MARCHF1: variants seen among roughly 807,000 people sequenced by gnomAD.
MARCHF1 encodes membrane associated ring-CH-type finger 1.
Under a neutral mutation model 54.2 loss-of-function variants are expected in MARCHF1, and 40 were observed. That is an observed-to-expected ratio of 0.74 (90% CI 0.57 to 0.96). The LOEUF is 0.96. Among genes scored for constraint, MARCHF1 ranks in the 40% least tolerant of loss-of-function variants. The pLI is 0.00. For missense variants in MARCHF1, 586 were observed against 656.5 expected (o/e 0.89, Z 1.17); for synonymous variants, 236 against 236.3 (o/e 1.00, Z 0.01).
At chr4:163,912,165 G>A (rs1467006013) in intron 3 of MARCHF1, among the ~76,000 whole-genome samples, 1 of 151,720 alleles carries the variant, frequency 6.6e-6, no homozygotes. Context: ...CTCTTTTTGT[G>A]TGACCATTTC....
intron 4 of MARCHF1, among the ~76,000 whole-genome samples, chr4:163,813,954 G>T (rs1748463675): frequency 6.6e-6 from 1 of 152,112 alleles, no homozygotes. Context: ...CAAAATCTAA[G>T]CCCAGGGCAT....
At chr4:163,927,395 C>T (rs11929916) in intron 3 of MARCHF1, among the ~76,000 whole-genome samples, 16,291 of 151,536 alleles carry the variant, frequency 0.11, 917 homozygotes, top group Non-Finnish European at 0.13. Context: ...TAAAATTTAA[C>T]GTGGGAATTT....
intron 4 of MARCHF1, among the ~76,000 whole-genome samples, chr4:163,755,084 G>A (rs1481202628): frequency 6.6e-6 from 1 of 152,128 alleles, no homozygotes; most frequent in African/African-American, 2.4e-5. Context: ...TGTGGTGGTG[G>A]TGCCACCTAG....
intron 1 of MARCHF1, among the ~76,000 whole-genome samples, chr4:164,176,976 C>CTATATATATATA (rs1279533259): frequency 6.1e-5 from 2 of 32,870 alleles, no homozygotes; most frequent in African/African-American, 2.5e-4. Context: ...CTCTCTCTCT[C>CTATATATATATA]TCTCTATATA....
intron 1 of MARCHF1, among the ~76,000 whole-genome samples, chr4:164,112,393 G>A (rs1339809196): frequency 6.6e-6 from 1 of 151,842 alleles, no homozygotes; most frequent in African/African-American, 2.4e-5. Flanking sequence ...TAATGAGCTG[G>A]CATCCATATC....
At chr4:163,651,230 T>C (rs1560998710) in intron 5 of MARCHF1, among the ~76,000 whole-genome samples, 2 of 151,936 alleles carry the variant, frequency 1.3e-5, no homozygotes, top group South Asian at 2.1e-4. Flanking sequence ...TGGATTGTTG[T>C]TTGCTAGTCT....
At chr4:164,127,015 T>C (rs962418854) in intron 1 of MARCHF1, among the ~76,000 whole-genome samples, 2 of 149,498 alleles carry the variant, frequency 1.3e-5, no homozygotes, top group Admixed American at 6.7e-5. Context: ...GATTGTGCCA[T>C]TGCACTCTAC....
At chr4:163,981,127 T>C (rs1045551350) in intron 3 of MARCHF1, among the ~76,000 whole-genome samples, 2 of 152,088 alleles carry the variant, frequency 1.3e-5, no homozygotes, top group Admixed American at 1.3e-4. Context: ...GTGCATCCAG[T>C]GGTTTCCAGG....
At chr4:163,929,956 T>G (rs866330035) in intron 3 of MARCHF1, among the ~76,000 whole-genome samples, 3 of 70,662 alleles carry the variant, frequency 4.2e-5, no homozygotes, top group African/African-American at 1.9e-4. Context: ...TTATATATAT[T>G]ATATATAATA....
At chr4:164,129,019 A>G (rs1400952145) in intron 1 of MARCHF1, among the ~76,000 whole-genome samples, 2 of 152,212 alleles carry the variant, frequency 1.3e-5, no homozygotes, top group Admixed American at 1.3e-4. Context: ...TACCTGGTTC[A>G]TCCCACCTAA....
At chr4:163,593,731 C>T (rs1272995848) in intron 7 of MARCHF1, among the ~76,000 whole-genome samples, 1 of 152,142 alleles carries the variant, frequency 6.6e-6, no homozygotes, top group Admixed American at 6.5e-5. Context: ...ACTTTATTTA[C>T]AGATAACCAA....
chr4:164,027,645 TC>T (rs1753799735), intron 2 of MARCHF1, among the ~76,000 whole-genome samples: 1 of 151,992 alleles, frequency 6.6e-6, no homozygotes, highest in South Asian at 2.1e-4. Flanking sequence ...ATTATAAAAA[TC>T]CTAGAAGAAA....
chr4:163,535,753 C>T (rs200787590), intron 9 of MARCHF1, among the ~76,000 whole-genome samples: 2 of 144,192 alleles, frequency 1.4e-5, no homozygotes, highest in South Asian at 2.2e-4. Flanking sequence ...TATAGAAGGG[C>T]TTTTTTTTTT....
chr4:164,327,478 G>T (rs894783153), intron 1 of MARCHF1, among the ~76,000 whole-genome samples: 1 of 152,168 alleles, frequency 6.6e-6, no homozygotes, highest in Admixed American at 6.5e-5. Context: ...GTGGTGAGGT[G>T]GTTGTTGTCA....
chr4:163,635,595 A>G (rs1180482097), intron 5 of MARCHF1, among the ~76,000 whole-genome samples: 1 of 149,276 alleles, frequency 6.7e-6, no homozygotes, highest in South Asian at 2.2e-4. Flanking sequence ...AATTGTGGCA[A>G]TAATCAATAG....
intron 5 of MARCHF1, among the ~76,000 whole-genome samples, chr4:163,658,475 T>C (rs115921844): frequency 0.014 from 2,091 of 152,120 alleles, 41 homozygotes; most frequent in African/African-American, 0.048. Flanking sequence ...GTTCAGCCAG[T>C]GTAGAAGACA....
intron 3 of MARCHF1, among the ~76,000 whole-genome samples, chr4:163,903,236 TTGTG>T (rs59858271): frequency 2.0e-5 from 3 of 151,020 alleles, no homozygotes; most frequent in Non-Finnish European, 4.4e-5. Flanking sequence ...CTTCCTTCCC[TTGTG>T]TGTGTGTGTG....
intron 2 of MARCHF1, among the ~76,000 whole-genome samples, chr4:164,058,824 T>C (rs898562638): frequency 1.3e-5 from 2 of 152,240 alleles, no homozygotes; most frequent in Non-Finnish European, 2.9e-5. Flanking sequence ...AAGTCTCTGA[T>C]GCAAATCTTC....
intron 7 of MARCHF1, among the ~76,000 whole-genome samples, chr4:163,594,497 CACACACACACAA>C (rs1350354688): frequency 6.6e-6 from 1 of 151,894 alleles, no homozygotes; most frequent in Non-Finnish European, 1.5e-5. Flanking sequence ...TGCCAATACA[CACACACACACAA>C]ACACACACAC....
Sources: allele counts gnomAD v4.1 joint callset (sites outside exome capture counted in the v4.1 genomes callset), GRCh38; gene constraint gnomAD v4.1.1; transcripts MANE v1.5; gene names NCBI Gene and HGNC (gene_info 2026-07-23, HGNC 2026-07-21).